The following GRID2IP variants were observed in gnomAD, a reference collection of about 807,000 sequenced individuals.
The protein encoded by GRID2IP is Grid2 interacting protein, also known as delphilin.
Under a neutral mutation model 114.3 loss-of-function variants are expected in GRID2IP, and 78 were observed. The observed-to-expected ratio is 0.68, with a 90% CI of 0.57 to 0.82. The LOEUF (loss-of-function observed/expected upper bound fraction) is 0.82. GRID2IP is among the 40% of genes least tolerant of loss of function. The probability of loss-of-function intolerance (pLI) is 0.00; values close to 1 mark genes in which losing one functional copy is unlikely to be tolerated. For synonymous variants in GRID2IP, 809 were observed against 724.0 expected, an observed-to-expected ratio of 1.12 and a Z score of -1.89; for missense variants, 1,727 against 1,678.5, an observed-to-expected ratio of 1.03 and a Z score of -0.51.
chr7:6,548,225 G>A (rs1310822226), intron 1 of GRID2IP, among the ~76,000 whole-genome samples: 2 of 151,812 alleles, frequency 1.3e-5, no homozygotes, highest in Non-Finnish European at 2.9e-5. Flanking sequence ...TGGTGGTGGG[G>A]GCCTGTAATC....
chr7:6,497,990 A>T, intron 21 of GRID2IP, 74 bp downstream of exon 21: 1 of 1,455,388 alleles, frequency 6.9e-7, no homozygotes, highest in Non-Finnish European at 9.2e-7. Context: ...CCCTGGCTTC[A>T]TGGAGGATCC....
In GRID2IP at chr7:6,506,207, C is replaced by A. The variant is rs1289045885; in HGVS notation, c.2545-300G>T. ...GAAGGAGCTGTGAAGAGGCTAGAGC[C>A]AAGTAAGGGGCTACCGGAGGTGGCT... On this transcript the variant is annotated intron_variant, in intron 13 of 21. Transcript: ENST00000457091. The surrounding 1 kb of genome is among the most constrained non-coding windows in gnomAD (Gnocchi z 5.2). 6.6e-6 allele frequency among the ~76,000 whole-genome samples: 1 copy of A among 152,174 alleles called. No homozygotes were observed. Among genetic ancestry groups the A allele is most frequent in the Non-Finnish European group, 1.5e-5 (1 of 68,038 alleles).
At chr7:6,537,742 T>C (rs1179055308) in intron 2 of GRID2IP, among the ~76,000 whole-genome samples, 1 of 151,174 alleles carries the variant, frequency 6.6e-6, no homozygotes, top group Non-Finnish European at 1.5e-5. Flanking sequence ...CCCAGCTACT[T>C]GGGAGGCTGA....
At position 6,498,148 on chromosome 7, in the gene GRID2IP, C is replaced by T. The variant is rs1356870134; in HGVS notation, c.3480G>A (p.Ala1160=). Residue 1160 remains alanine (A), a synonymous_variant, in exon 21 of 22, where the codon GCG becomes GCA. Coordinates refer to ENST00000457091, the MANE Select transcript of GRID2IP (RefSeq NM_001145118.2). ...QREAMEELGK[A]LAFFGEDSKA... ...TGGAATCCTCCCCAAAGAAGGCCAGCGCCTTGCCCAGCTCCTCCATGGCCT... is the reference window on the plus strand; with the variant it reads ...TGGAATCCTCCCCAAAGAAGGCCAGTGCCTTGCCCAGCTCCTCCATGGCCT... 28 of 1,551,484 alleles carry T rather than the reference C, an allele frequency of 1.8e-5. No homozygotes were observed. Among genetic ancestry groups the T allele is most frequent in the East Asian group, 2.4e-5 (1 of 40,934 alleles).
In GRID2IP at chr7:6,551,279, T is replaced by C; in HGVS notation, c.158A>G (p.Glu53Gly). Residue 53 changes from glutamate to glycine, a missense_variant, in exon 1 of 22, where the codon GAG becomes GGG. Glu to Gly is a moderately conservative substitution (Grantham distance 98, BLOSUM62 -2). Transcript: ENST00000457091. ...LRPGDQILEVEGLAVGGLSRE... is the reference protein window; with the variant it reads ...LRPGDQILEVGGLAVGGLSRE... ...GCTCAGACCGCCCACCGCCAGCCCC[T>C]CCACCTCCAGGATCTGGTCTCCTGG... 4 of 1,539,676 alleles carry C rather than the reference T, an allele frequency of 2.6e-6. No homozygotes were observed. The highest frequency in any genetic ancestry group is 3.5e-6 in the Non-Finnish European group (4 of 1,146,154).
At position 6,526,240 on chromosome 7, in the gene GRID2IP, G is replaced by T. The variant is rs1432234403; in HGVS notation, c.903C>A (p.Ile301=). The change falls in exon 4 of 22, where the codon ATC becomes ATA. Residue 301 remains isoleucine, a synonymous_variant. Coordinates refer to ENST00000457091, the MANE Select transcript of GRID2IP (RefSeq NM_001145118.2). This position sits in a 1 kb window ranked among gnomAD's most constrained non-coding sequence, Gnocchi z 7.6. ...FTLRGHGPVW[I]ESVLPGSPAD... ...ACCCCTCACCAGGCAGGACAGACTC[G>T]ATCCAGACAGGCCCGTGGCCGCGAA... is the stretch of plus-strand genomic sequence containing the variant. 1 of 1,551,740 alleles carries T rather than the reference G, an allele frequency of 6.4e-7. No homozygotes were observed. Among genetic ancestry groups the T allele is most frequent in the Non-Finnish European group, 8.7e-7 (1 of 1,146,992 alleles).
intron 2 of GRID2IP, among the ~76,000 whole-genome samples, chr7:6,533,674 CTTT>C (rs1179952257): frequency 7.4e-6 from 1 of 135,488 alleles, no homozygotes. Flanking sequence ...CATTTTTAAA[CTTT>C]TTTTTTTTTT....
rs1044673943 is a variant in GRID2IP, at chr7:6,516,990, C to T, written c.1269-2461G>A. Among the ~76,000 whole-genome samples, 5 of 151,884 alleles carry T rather than the reference C, an allele frequency of 3.3e-5. No homozygotes were observed. The highest frequency in any genetic ancestry group is 6.6e-5 in the Admixed American group (1 of 15,230). On this transcript the variant is annotated intron_variant, in intron 7 of 21. Coordinates refer to ENST00000457091, the MANE Select transcript of GRID2IP (RefSeq NM_001145118.2). This position sits in a 1 kb window ranked among gnomAD's most constrained non-coding sequence, Gnocchi z 4.3. ...CATTCGGGGCCACTACTGGTCTCCG[C>T]GTCTTGGTGGTAGTGGTCCCCCGGG...
At chr7:6,542,306 CAAAAAAA>C (rs56154707) in intron 1 of GRID2IP, among the ~76,000 whole-genome samples, 17 of 95,192 alleles carry the variant, frequency 1.8e-4, no homozygotes, top group East Asian at 3.4e-4. Context: ...AACTCCATCT[CAAAAAAA>C]AAAAAAAAAA....
rs148223740 is a variant in GRID2IP, at chr7:6,506,340, G to A, written c.2545-433C>T. Among the ~76,000 whole-genome samples, 40 of 152,296 alleles carry A rather than the reference G, an allele frequency of 2.6e-4. No homozygotes were observed. The highest frequency in any genetic ancestry group is 6.8e-3 in the Middle Eastern group (2 of 294). ...AGAGAACTGCAACTGTGACAGCCTA[G>A]GGGCCAGACGCTGGACACGTGGCTG... is the stretch of plus-strand genomic sequence containing the variant. On this transcript the variant is annotated intron_variant, in intron 13 of 21. Coordinates refer to ENST00000457091, the MANE Select transcript of GRID2IP (RefSeq NM_001145118.2). This position sits in a 1 kb window ranked among gnomAD's most constrained non-coding sequence, Gnocchi z 5.2.
intron 7 of GRID2IP, among the ~76,000 whole-genome samples, chr7:6,517,598 A>G (rs1779333601): frequency 6.6e-6 from 1 of 152,136 alleles, no homozygotes; most frequent in African/African-American, 2.4e-5. Flanking sequence ...ATCAAGGAGA[A>G]ATCAGCATCT....
intron 11 of GRID2IP, 25 bp downstream of exon 11, chr7:6,510,258 T>A: frequency 6.9e-7 from 1 of 1,445,350 alleles, no homozygotes; most frequent in African/African-American, 1.4e-5. Flanking sequence ...ACCCAGACAG[T>A]AGATGACAGA....
Position 6,508,990 on chromosome 7 carries a change from C to A in GRID2IP, c.2095G>T (p.Asp699Tyr), listed in dbSNP as rs1330669580. The A allele has an allele frequency of 3.2e-6, 5 of 1,548,330 alleles. No individual in the cohort carries two copies. Residue 699 changes from aspartate (D) to tyrosine (Y), a missense_variant, in exon 12 of 22, where the codon GAT becomes TAT. By Grantham distance (160) the Asp-to-Tyr change is radical (BLOSUM62 -3). Coordinates refer to ENST00000457091, the MANE Select transcript of GRID2IP (RefSeq NM_001145118.2). The surrounding 1 kb of genome is among the most constrained non-coding windows in gnomAD (Gnocchi z 5.6). ...TAGTCGTTCTCCGGGGTCAGGAAAT[C>A]ATCCACGATGGTGACCCGGGGGCCC... ...QLGPRVTIVD[D>Y]FLTPENDYEE...
At chr7:6,527,600 T>A (rs1451208459) in intron 2 of GRID2IP, among the ~76,000 whole-genome samples, 1 of 152,128 alleles carries the variant, frequency 6.6e-6, no homozygotes, top group Non-Finnish European at 1.5e-5. Context: ...TCTCTCTCGT[T>A]CTCTTGAGAG....
chr7:6,533,438 A>G (rs1457091340), intron 2 of GRID2IP, among the ~76,000 whole-genome samples: 1 of 152,102 alleles, frequency 6.6e-6, no homozygotes, highest in African/African-American at 2.4e-5. Flanking sequence ...GAATCACTGC[A>G]GCCTCAAATT....
chr7:6,535,800 A>G (rs370243999), intron 2 of GRID2IP, among the ~76,000 whole-genome samples: 3 of 152,102 alleles, frequency 2.0e-5, no homozygotes, highest in Admixed American at 1.3e-4. Flanking sequence ...GGTGGTTCAC[A>G]GCTGGGGGCT....
In GRID2IP at chr7:6,501,862, G is replaced by A. The variant is rs377105685; in HGVS notation, c.3318C>T (p.Leu1106=). 3 of 1,551,624 alleles carry A rather than the reference G, an allele frequency of 1.9e-6. No homozygotes were observed. Among genetic ancestry groups the A allele is most frequent in the African/African-American group, 1.4e-5 (1 of 73,166 alleles). Residue 1106 remains leucine (L), a synonymous_variant, in exon 20 of 22, where the codon CTC becomes CTT. Transcript: ENST00000457091. ...CCTGTATCTCGCTGATAGTGCCATG[G>A]AGGTCAGCCAGGTCACTGGTCAGGG... The part of the protein sequence containing the change: ...QRALTSDLAD[L]HGTISEIQDA...
chr7:6,504,664 C>A, intron 15 of GRID2IP, 129 bp downstream of exon 15: 1 of 722,942 alleles, frequency 1.4e-6, no homozygotes, highest in Non-Finnish European at 2.3e-6. Flanking sequence ...AGGGGGCCTT[C>A]ACCGCGCTGA....
chr7:6,497,684 C>T lies in GRID2IP; in HGVS notation c.*90G>A, dbSNP rs1786293043. ...CTGGCGGTGTGCTCAGAGCCCGGGG[C>T]ACAGTGGCCCCGGACCTCGGCAGTG... On this transcript the variant is annotated 3_prime_UTR_variant, in exon 22 of 22. Coordinates refer to ENST00000457091, the MANE Select transcript of GRID2IP (RefSeq NM_001145118.2). 2.1e-6 allele frequency: 2 copies of T among 950,848 alleles called. No homozygotes were observed. The highest frequency in any genetic ancestry group is 1.7e-5 in the African/African-American group (1 of 60,310). The allele number at this position is 950,848 out of a possible 1,614,324, so 58.9% of individuals were successfully genotyped here.
Sources: gnomAD v4.1 joint callset for allele counts (sites outside exome capture counted in the v4.1 genomes callset) on GRCh38, gnomAD v4.1.1 for gene constraint, Gnocchi (gnomAD v3.1) non-coding constraint, MANE v1.5 for transcripts, NCBI Gene and HGNC (gene_info 2026-07-23, HGNC 2026-07-21) for gene names.